SYN3: variants seen among roughly 807,000 people sequenced by gnomAD.
SYN3 encodes the protein synapsin III, also known as synapsin-3.
Under a neutral mutation model 65.8 loss-of-function variants are expected in SYN3, and 35 were observed. The ratio of observed to expected loss-of-function variants is 0.53; its 90% CI spans 0.41 to 0.70. The LOEUF (loss-of-function observed/expected upper bound fraction) is 0.70. Ranked by LOEUF, SYN3 falls within the 30% of genes least tolerant of loss-of-function variation. SYN3 has a pLI of 0.00. For synonymous variants in SYN3, 270 were observed against 292.9 expected, an observed-to-expected ratio of 0.92 and a Z score of 0.80; for missense variants, 680 against 749.0, an observed-to-expected ratio of 0.91 and a Z score of 1.08.
At chr22:32,868,353 T>C (rs1238837971) in intron 5 of SYN3, among the ~76,000 whole-genome samples, 1 of 151,170 alleles carries the variant, frequency 6.6e-6, no homozygotes, top group African/African-American at 2.4e-5. Context: ...AGATCAATTA[T>C]TACATATATG....
At chr22:32,571,981 G>A (rs536186845) in intron 7 of SYN3, among the ~76,000 whole-genome samples, 21 of 152,134 alleles carry the variant, frequency 1.4e-4, no homozygotes, top group African/African-American at 4.8e-4. Flanking sequence ...CCCAGAAGAG[G>A]AAACTGCAGA....
chr22:32,737,937 C>T (rs2061355307), intron 6 of SYN3, among the ~76,000 whole-genome samples: 1 of 152,176 alleles, frequency 6.6e-6, no homozygotes. Context: ...GATGTGGTGG[C>T]CAGATGCAGG....
intron 7 of SYN3, among the ~76,000 whole-genome samples, chr22:32,594,493 C>CAT (rs1569073866): frequency 6.9e-6 from 1 of 145,822 alleles, no homozygotes; most frequent in African/African-American, 2.5e-5. Flanking sequence ...TTTTTCTTTT[C>CAT]TTTTTTTTTT....
At chr22:32,945,346 T>C (rs1294849347) in intron 3 of SYN3, among the ~76,000 whole-genome samples, 2 of 152,050 alleles carry the variant, frequency 1.3e-5, no homozygotes, top group African/African-American at 2.4e-5. Flanking sequence ...AACAGAGATA[T>C]AGACCAATGG....
intron 6 of SYN3, chr22:32,862,993 A>G (rs2146316175): frequency 6.5e-6 from 1 of 152,768 alleles, no homozygotes; most frequent in East Asian, 1.9e-4. Flanking sequence ...TTCACTTTTT[A>G]TAGTGTGTCC....
intron 13 of SYN3, among the ~76,000 whole-genome samples, chr22:32,516,612 C>T (rs1185686316): frequency 6.6e-6 from 1 of 152,296 alleles, no homozygotes; most frequent in Non-Finnish European, 1.5e-5. Context: ...GGGATCCACC[C>T]ACCTTGGCCT....
intron 6 of SYN3, among the ~76,000 whole-genome samples, chr22:32,605,196 A>G (rs1422866757): frequency 6.6e-6 from 1 of 152,006 alleles, no homozygotes; most frequent in Non-Finnish European, 1.5e-5. Flanking sequence ...GTCTCCCACA[A>G]CAAGCGGGAG....
intron 6 of SYN3, among the ~76,000 whole-genome samples, chr22:32,831,425 C>T (rs549779862): frequency 2.1e-4 from 32 of 152,242 alleles, no homozygotes; most frequent in African/African-American, 7.7e-4. Flanking sequence ...GTTTCAGCTA[C>T]TTCAAAGCCA....
intron 7 of SYN3, among the ~76,000 whole-genome samples, chr22:32,576,717 G>A (rs1396949202): frequency 6.6e-6 from 1 of 151,760 alleles, no homozygotes; most frequent in Non-Finnish European, 1.5e-5. Flanking sequence ...CATTCCTCAC[G>A]GCCTTGCTTC....
chr22:32,751,978 A>G (rs548998510), intron 6 of SYN3, among the ~76,000 whole-genome samples: 1 of 152,322 alleles, frequency 6.6e-6, no homozygotes, highest in South Asian at 2.1e-4. Flanking sequence ...TGCATACTAC[A>G]TATTCTCTAG....
At chr22:32,935,271 T>TTCTCTC (rs1364351239) in intron 3 of SYN3, among the ~76,000 whole-genome samples, 1 of 146,236 alleles carries the variant, frequency 6.8e-6, no homozygotes, top group African/African-American at 2.5e-5. Context: ...CCTAGACTCA[T>TTCTCTC]TCTCTCTCTC....
chr22:32,865,416 T>A (rs1394177256), intron 5 of SYN3, among the ~76,000 whole-genome samples: 1 of 152,190 alleles, frequency 6.6e-6, no homozygotes, highest in South Asian at 2.1e-4. Context: ...CTTCCTGGGT[T>A]CAAATTCTTG....
At chr22:32,643,211 G>C (rs192041288) in intron 6 of SYN3, among the ~76,000 whole-genome samples, 3 of 152,092 alleles carry the variant, frequency 2.0e-5, no homozygotes, top group East Asian at 1.9e-4. Flanking sequence ...TCCTGAGTAG[G>C]TGGGATTACA....
At chr22:32,831,019 GAC>G (rs1316765115) in intron 6 of SYN3, among the ~76,000 whole-genome samples, 1 of 152,162 alleles carries the variant, frequency 6.6e-6, no homozygotes, top group East Asian at 1.9e-4. Context: ...TAAAAATATT[GAC>G]AGAGTGAAAA....
intron 9 of SYN3, 93 bp downstream of exon 9, chr22:32,537,943 C>T (rs1215553234): frequency 2.4e-5 from 27 of 1,120,288 alleles, no homozygotes; most frequent in East Asian, 1.2e-4. Flanking sequence ...GGACGGAGGG[C>T]GGAGTGGCCT....
At chr22:32,651,971 C>T (rs1269900975) in intron 6 of SYN3, among the ~76,000 whole-genome samples, 1 of 152,132 alleles carries the variant, frequency 6.6e-6, no homozygotes, top group African/African-American at 2.4e-5. Context: ...AGGCTAGCCT[C>T]CTGCAACAAA....
chr22:32,798,500 T>C (rs990617139), intron 6 of SYN3, among the ~76,000 whole-genome samples: 4 of 152,174 alleles, frequency 2.6e-5, no homozygotes, highest in Middle Eastern at 3.4e-3. Flanking sequence ...TATAACTTGA[T>C]ACAAAGAGGG....
chr22:32,690,026 A>T (rs2060641722), intron 6 of SYN3, among the ~76,000 whole-genome samples: 1 of 152,170 alleles, frequency 6.6e-6, no homozygotes, highest in Non-Finnish European at 1.5e-5. Flanking sequence ...AAATACAAAA[A>T]TTAGCCGGGC....
chr22:32,555,744 C>T (rs760929984), intron 7 of SYN3, among the ~76,000 whole-genome samples: 5 of 152,080 alleles, frequency 3.3e-5, no homozygotes, highest in Admixed American at 6.6e-5. Context: ...AACCATAACC[C>T]GGGCACACAA....
Sources: gnomAD v4.1 joint callset for allele counts (sites outside exome capture counted in the v4.1 genomes callset) on GRCh38, gnomAD v4.1.1 for gene constraint, MANE v1.5 for transcripts, NCBI Gene and HGNC (gene_info 2026-07-23, HGNC 2026-07-21) for gene names.